Variants in NCOA2 observed in about 807,000 individuals in gnomAD.
NCOA2 encodes nuclear receptor coactivator 2, also known as class E basic helix-loop-helix protein 75.
Under a neutral mutation model 145.1 loss-of-function variants are expected in NCOA2, and 21 were observed. That is an observed-to-expected ratio of 0.14 (90% confidence interval 0.10 to 0.21). NCOA2 has a LOEUF of 0.21. NCOA2 is among the 10% of genes least tolerant of loss of function. The pLI is 1.00. For missense variants in NCOA2, 1,472 were observed against 1,837.6 expected, an observed-to-expected ratio of 0.80 and a Z score of 3.64; for synonymous variants, 619 against 637.5, an observed-to-expected ratio of 0.97 and a Z score of 0.44.
At chr8:70,192,964 G>C (rs1422223709) in intron 4 of NCOA2, among the ~76,000 whole-genome samples, 1 of 151,576 alleles carries the variant, frequency 6.6e-6, no homozygotes, top group Non-Finnish European at 1.5e-5. Flanking sequence ...CTACTCAGGA[G>C]GCTGAGGCAG....
At chr8:70,300,176 G>A (rs904288674) in intron 1 of NCOA2, among the ~76,000 whole-genome samples, 3 of 152,152 alleles carry the variant, frequency 2.0e-5, no homozygotes, top group Non-Finnish European at 4.4e-5. Flanking sequence ...ACTTTGTGGG[G>A]TGATAGAATT....
intron 1 of NCOA2, among the ~76,000 whole-genome samples, chr8:70,373,593 T>C (rs1167021186): frequency 6.6e-6 from 1 of 152,238 alleles, no homozygotes; most frequent in Non-Finnish European, 1.5e-5. Flanking sequence ...AGTACTTTTT[T>C]GTGTTCTAAG....
chr8:70,451,217 C>CAAAAAAAAAAAAAAAA, the NCOA2 span, among the ~76,000 whole-genome samples: 1 of 65,346 alleles, frequency 1.5e-5, no homozygotes, highest in Non-Finnish European at 2.6e-5. Context: ...GACTCCGTCT[C>CAAAAAAAAAAAAAAAA]AAAAAAAAAA....
intron 2 of NCOA2, among the ~76,000 whole-genome samples, chr8:70,258,655 G>C (rs1823863570): frequency 6.6e-6 from 1 of 151,878 alleles, no homozygotes; most frequent in African/African-American, 2.4e-5. Flanking sequence ...CAATTATCAA[G>C]ATTTCTTTCT....
At chr8:70,441,031 A>C in the NCOA2 span, among the ~76,000 whole-genome samples, 394 of 126,862 alleles carry the variant, frequency 3.1e-3, 4 homozygotes, top group Middle Eastern at 0.027. Context: ...GAAGGAAAGA[A>C]ATGAAAGAAA....
intron 1 of NCOA2, among the ~76,000 whole-genome samples, chr8:70,366,684 A>G (rs1292638041): frequency 6.6e-6 from 1 of 151,830 alleles, no homozygotes; most frequent in Non-Finnish European, 1.5e-5. Context: ...TTATTTATCT[A>G]CAACATTCAG....
intron 2 of NCOA2, among the ~76,000 whole-genome samples, chr8:70,291,754 T>C (rs1229427194): frequency 6.6e-6 from 1 of 152,168 alleles, no homozygotes; most frequent in African/African-American, 2.4e-5. Context: ...TAGCATTTTG[T>C]TGTTGTTGCT....
chr8:70,158,284 A>AC (rs1366320191), intron 10 of NCOA2, among the ~76,000 whole-genome samples: 27 of 152,176 alleles, frequency 1.8e-4, no homozygotes, highest in Admixed American at 9.8e-4. Flanking sequence ...TACTGATAGG[A>AC]CCTCATAAAG....
intron 21 of NCOA2, among the ~76,000 whole-genome samples, chr8:70,123,044 T>C (rs185606955): frequency 2.0e-4 from 31 of 152,316 alleles, no homozygotes; most frequent in Admixed American, 2.0e-3. Context: ...ATGGTACAAT[T>C]ATTAACCTCT....
the NCOA2 span, among the ~76,000 whole-genome samples, chr8:70,410,804 G>A: frequency 3.3e-5 from 5 of 152,170 alleles, no homozygotes; most frequent in African/African-American, 7.2e-5. Flanking sequence ...GTAGTCGTAC[G>A]GGTGCATTCT....
At chr8:70,211,927 T>C (rs1438437133) in intron 4 of NCOA2, among the ~76,000 whole-genome samples, 2 of 152,084 alleles carry the variant, frequency 1.3e-5, no homozygotes, top group African/African-American at 4.8e-5. Context: ...GGTTGTGGTA[T>C]GCAGCCCTAT....
At chr8:70,414,969 T>G in the NCOA2 span, among the ~76,000 whole-genome samples, 1 of 152,138 alleles carries the variant, frequency 6.6e-6, no homozygotes, top group African/African-American at 2.4e-5. Flanking sequence ...TTCTTTCCAT[T>G]TATTAATTCA....
intron 7 of NCOA2, among the ~76,000 whole-genome samples, chr8:70,165,811 T>C (rs1247726075): frequency 1.3e-5 from 2 of 152,182 alleles, no homozygotes; most frequent in African/African-American, 2.4e-5. Flanking sequence ...TTGTTTTAAC[T>C]GTGTGCATTT....
intron 1 of NCOA2, among the ~76,000 whole-genome samples, chr8:70,348,308 G>A (rs1004022139): frequency 6.6e-6 from 1 of 152,196 alleles, no homozygotes; most frequent in Non-Finnish European, 1.5e-5. Context: ...ACTTATGCTA[G>A]AATACAGGTG....
chr8:70,328,625 A>G (rs965025645), intron 1 of NCOA2, among the ~76,000 whole-genome samples: 1 of 152,174 alleles, frequency 6.6e-6, no homozygotes, highest in African/African-American at 2.4e-5. Flanking sequence ...GGTTAAGAGG[A>G]AAAAAACTCA....
At chr8:70,212,221 A>G (rs1250708979) in intron 4 of NCOA2, among the ~76,000 whole-genome samples, 2 of 152,138 alleles carry the variant, frequency 1.3e-5, no homozygotes, top group Non-Finnish European at 1.5e-5. Flanking sequence ...GACATCAGCA[A>G]CTAGAAACAC....
intron 2 of NCOA2, among the ~76,000 whole-genome samples, chr8:70,237,151 A>G (rs1450023293): frequency 6.6e-6 from 1 of 152,238 alleles, no homozygotes; most frequent in Non-Finnish European, 1.5e-5. Context: ...AATATTTACT[A>G]TGGTATAGTA....
At chr8:70,287,252 TATTAATTA>T (rs59932009) in intron 2 of NCOA2, among the ~76,000 whole-genome samples, 8 of 151,716 alleles carry the variant, frequency 5.3e-5, no homozygotes, top group Non-Finnish European at 8.8e-5. Context: ...TCAAAAAATA[TATTAATTA>T]ATTAATTAAT....
chr8:70,384,839 T>G (rs919009182), intron 1 of NCOA2, among the ~76,000 whole-genome samples: 1 of 152,180 alleles, frequency 6.6e-6, no homozygotes, highest in African/African-American at 2.4e-5. Context: ...GTAAGCCAAA[T>G]GATACATCAG....
Sources: allele counts gnomAD v4.1 joint callset (sites outside exome capture counted in the v4.1 genomes callset), GRCh38; gene constraint gnomAD v4.1.1; transcripts MANE v1.5; gene names NCBI Gene and HGNC (gene_info 2026-07-23, HGNC 2026-07-21).